Variants in VPS4A observed in about 807,000 individuals in gnomAD.
The protein encoded by VPS4A is vacuolar protein sorting 4 homolog A.
Under a neutral mutation model 52.3 loss-of-function variants are expected in VPS4A, and 20 were observed. That is an observed-to-expected ratio of 0.38 (90% CI 0.27 to 0.56). The LOEUF (loss-of-function observed/expected upper bound fraction) is 0.56, where lower values mean the gene tolerates loss of function less well. Ranked by LOEUF, VPS4A falls within the 20% of genes least tolerant of loss-of-function variation. The pLI is 0.72. For missense variants in VPS4A, 419 were observed against 575.9 expected (o/e 0.73, Z 2.79); for synonymous variants, 293 against 227.7 (o/e 1.29, Z -2.58).
At position 69,319,440 on chromosome 16, in the gene VPS4A, A is replaced by G; in HGVS notation, c.517A>G (p.Lys173Glu). Residue 173 changes from lysine (K) to glutamate (E), a missense_variant, in exon 6 of 11, where the codon AAA becomes GAA. Coordinates refer to ENST00000254950, the MANE Select transcript of VPS4A (RefSeq NM_013245.3). ...ILLFGPPGTG[K>E]SYLAKAVATE... ...GCTGTTCGGACCCCCTGGCACAGGG[A>G]AATCCTACCTGGCCAAAGCCGTGGC... 6.2e-7 allele frequency: 1 copy of G among 1,614,022 alleles called. No individual in the cohort carries two copies. The highest frequency in any genetic ancestry group is 8.5e-7 in the Non-Finnish European group (1 of 1,179,898).
intron 1 of VPS4A, among the ~76,000 whole-genome samples, chr16:69,315,189 ACT>A (rs1332393244): frequency 6.6e-6 from 1 of 151,736 alleles, no homozygotes; most frequent in Non-Finnish European, 1.5e-5. Flanking sequence ...ATAGAGTAAG[ACT>A]CTGTCTCAAA....
At chr16:69,313,585 G>GA (rs1302122084) in intron 1 of VPS4A, among the ~76,000 whole-genome samples, 1 of 152,006 alleles carries the variant, frequency 6.6e-6, no homozygotes. Context: ...TAAATGGCTT[G>GA]AAAAACAGTA....
chr16:69,317,289 G>A (rs1296130449), intron 3 of VPS4A, among the ~76,000 whole-genome samples: 1 of 152,156 alleles, frequency 6.6e-6, no homozygotes. Flanking sequence ...TTCGATTTCG[G>A]TTTTGCTTTC....
At chr16:69,315,131 G>A (rs1022715721) in intron 1 of VPS4A, among the ~76,000 whole-genome samples, 1 of 152,126 alleles carries the variant, frequency 6.6e-6, no homozygotes, top group Non-Finnish European at 1.5e-5. Flanking sequence ...CCCAGGAGGT[G>A]GAGGTTGCAG....
chr16:69,319,719 G>A (rs1190450321), intron 6 of VPS4A, among the ~76,000 whole-genome samples, 176 bp downstream of exon 6: 1 of 152,254 alleles, frequency 6.6e-6, no homozygotes, highest in African/African-American at 2.4e-5. Flanking sequence ...ACAAGTGAAG[G>A]TGGAAGGGAC....
chr16:69,320,000 C>A (rs1215843592), intron 6 of VPS4A, 141 bp from the exon 7 acceptor site: 5 of 1,202,464 alleles, frequency 4.2e-6, no homozygotes, highest in Middle Eastern at 5.8e-4. Flanking sequence ...CCGAGGGCTC[C>A]TCACCACCAC....
rs1329301659 is a variant in VPS4A at position 69,326,465 on chromosome 16, A to C, written c.*2156A>C. ...TTTTTAAATTTTTACTTCTAGTTAC[A>C]TTTACTTGAATCAGAACGTTGTTTC... is the stretch of plus-strand genomic sequence containing the variant. On this transcript the variant is annotated 3_prime_UTR_variant, in exon 11 of 11. Transcript: ENST00000254950. The C allele has an allele frequency of 6.6e-6, 1 of 152,170 alleles. No individual in the cohort carries two copies. The highest frequency in any genetic ancestry group is 1.5e-5 in the Non-Finnish European group (1 of 68,026). 9.4% of individuals were successfully genotyped at this position (152,170 alleles called of 1,614,324 possible).
chr16:69,323,867 T>C (rs1352186183), intron 10 of VPS4A, among the ~76,000 whole-genome samples: 1 of 148,422 alleles, frequency 6.7e-6, no homozygotes, highest in Non-Finnish European at 1.5e-5. Context: ...GGAGAGTCAC[T>C]TGAACCGAGG....
chr16:69,316,157 AGAGGGGAGCG>A, intron 2 of VPS4A, 38 bp downstream of exon 2: 3 of 1,612,666 alleles, frequency 1.9e-6, no homozygotes, highest in Middle Eastern at 1.7e-4. Flanking sequence ...GCCGCACTCC[AGAGGGGAGCG>A]GAGGAGAGGG....
intron 10 of VPS4A, chr16:69,323,541 G>A (rs974259806): frequency 7.0e-6 from 3 of 425,650 alleles, no homozygotes; most frequent in Admixed American, 5.3e-5. Flanking sequence ...CAGTGAGGCA[G>A]TGAATGTGTC....
At chr16:69,311,965 C>T (rs1248110173) in intron 1 of VPS4A, among the ~76,000 whole-genome samples, 2 of 152,258 alleles carry the variant, frequency 1.3e-5, no homozygotes, top group Non-Finnish European at 2.9e-5. Context: ...AAGCCCCGGC[C>T]CCTTCCCCAA....
At position 69,320,902 on chromosome 16, in the gene VPS4A, C is replaced by G. The variant is rs1462814025; in HGVS notation, c.851+133C>G. ...CTTCCCGTCTGCCTGCCAAGCAGAG[C>G]CCTTTGTGAGGCTGGCTTGTTGAGG... is the stretch of plus-strand genomic sequence containing the variant. On this transcript the variant is annotated intron_variant, in intron 8 of 10. Coordinates refer to ENST00000254950, the MANE Select transcript of VPS4A (RefSeq NM_013245.3). The surrounding 1 kb of genome is among the most constrained non-coding windows in gnomAD (Gnocchi z 4.2). 1 of 1,229,036 alleles carries G rather than the reference C, an allele frequency of 8.1e-7. No homozygotes were observed. The highest frequency in any genetic ancestry group is 1.2e-6 in the Non-Finnish European group (1 of 869,450). 76.1% of individuals were successfully genotyped at this position (1,229,036 alleles called of 1,614,324 possible). A position where few individuals can be genotyped will look rare whatever the true frequency, so the allele number is the denominator to read the frequency against.
In VPS4A at chr16:69,324,439, G is replaced by C. The variant is rs1244894748; in HGVS notation, c.*130G>C. ...AATACAGAGTTCCCTCTGCTGTCTGGCCGTCTGCCAGGGAGCCAGAAGGAA... is the reference window on the plus strand; with the variant it reads ...AATACAGAGTTCCCTCTGCTGTCTGCCCGTCTGCCAGGGAGCCAGAAGGAA... On this transcript the variant is annotated 3_prime_UTR_variant, in exon 11 of 11. Coordinates refer to ENST00000254950, the MANE Select transcript of VPS4A (RefSeq NM_013245.3). 1 of 1,027,162 alleles carries C rather than the reference G, an allele frequency of 9.7e-7. No individual in the cohort carries two copies. The highest frequency in any genetic ancestry group is 1.4e-6 in the Non-Finnish European group (1 of 693,508). 63.6% of individuals were successfully genotyped at this position (1,027,162 alleles called of 1,614,324 possible). A position where few individuals can be genotyped will look rare whatever the true frequency, so the allele number is the denominator to read the frequency against.
At position 69,320,006 on chromosome 16, in the gene VPS4A, A is replaced by C; in HGVS notation, c.621-135A>C. ...CAGTGTGGCCCGAGGGCTCCTCACC[A>C]CCACGTTTTCCGCAATTCCGGCATG... On this transcript the variant is annotated intron_variant, in intron 6 of 10. Coordinates refer to ENST00000254950, the MANE Select transcript of VPS4A (RefSeq NM_013245.3). This position sits in a 1 kb window ranked among gnomAD's most constrained non-coding sequence, Gnocchi z 4.2. 8.0e-7 allele frequency: 1 copy of C among 1,251,254 alleles called. No homozygotes were observed. Among genetic ancestry groups the C allele is most frequent in the East Asian group, 2.6e-5 (1 of 38,898 alleles). 77.5% of individuals were successfully genotyped at this position (1,251,254 alleles called of 1,614,324 possible). A position where few individuals can be genotyped will look rare whatever the true frequency, so the allele number is the denominator to read the frequency against.
intron 5 of VPS4A, 129 bp from the exon 6 acceptor site, chr16:69,319,258 T>G: frequency 7.4e-7 from 1 of 1,349,530 alleles, no homozygotes; most frequent in Non-Finnish European, 1.0e-6. Flanking sequence ...TCCCATCACT[T>G]GTTTGCCAGT....
rs1010962267 is a variant in VPS4A, at chr16:69,322,466, G to A, written c.1072-94G>A. The A allele has an allele frequency of 5.8e-6, 8 of 1,373,562 alleles. No individual in the cohort carries two copies. The South Asian group carries it at 1.1e-4, about 19-fold the overall frequency. 85.1% of individuals were successfully genotyped at this position (1,373,562 alleles called of 1,614,324 possible). A position where few individuals can be genotyped will look rare whatever the true frequency, so the allele number is the denominator to read the frequency against. ...CCTCCTCAGATGCTAGGGACCCACA[G>A]AGCATTCTCTTTGGGACTTCCTTAG... On this transcript the variant is annotated intron_variant, in intron 9 of 10. Coordinates refer to ENST00000254950, the MANE Select transcript of VPS4A (RefSeq NM_013245.3).
chr16:69,325,803 AAT>A lies in VPS4A; in HGVS notation c.*1495_*1496del, dbSNP rs1567426479. 6.6e-6 allele frequency: 1 copy of A among 151,832 alleles called. No homozygotes were observed. The highest frequency in any genetic ancestry group is 1.5e-5 in the Non-Finnish European group (1 of 68,052). The allele number at this position is 151,832 out of a possible 1,614,324, so 9.4% of individuals were successfully genotyped here. On this transcript the variant is annotated 3_prime_UTR_variant, in exon 11 of 11. Transcript: ENST00000254950. ...TGACTTCTAGAAGATTAAATTAGGTAATGTTGGGCCTGCGTCCTCATGGGGCA... is the reference window on the plus strand; with the variant it reads ...TGACTTCTAGAAGATTAAATTAGGTAGTTGGGCCTGCGTCCTCATGGGGCA...
At chr16:69,315,512 T>C (rs1965425234) in intron 1 of VPS4A, among the ~76,000 whole-genome samples, 1 of 152,168 alleles carries the variant, frequency 6.6e-6, no homozygotes, top group Non-Finnish European at 1.5e-5. Flanking sequence ...GAGAGAGGCC[T>C]TTCAGTGTAT....
Position 69,324,421 on chromosome 16 carries a change from A to G in VPS4A, c.*112A>G, listed in dbSNP as rs1965556860. 8.5e-7 allele frequency: 1 copy of G among 1,175,954 alleles called. No homozygotes were observed. Among genetic ancestry groups the G allele is most frequent in the African/African-American group, 1.5e-5 (1 of 65,694 alleles). 72.8% of individuals were successfully genotyped at this position (1,175,954 alleles called of 1,614,324 possible). ...CCAGGGCTTGTCCCAGTCAATACAG[A>G]GTTCCCTCTGCTGTCTGGCCGTCTG... On this transcript the variant is annotated 3_prime_UTR_variant, in exon 11 of 11. Transcript: ENST00000254950.
Sources: gnomAD v4.1 joint callset for allele counts (sites outside exome capture counted in the v4.1 genomes callset) on GRCh38, gnomAD v4.1.1 for gene constraint, Gnocchi (gnomAD v3.1) non-coding constraint, MANE v1.5 for transcripts, NCBI Gene and HGNC (gene_info 2026-07-23, HGNC 2026-07-21) for gene names.